HIPK2: variants seen among roughly 807,000 people sequenced by gnomAD.
The protein encoded by HIPK2 is homeodomain-interacting protein kinase 2.
Under a neutral mutation model 113.7 loss-of-function variants are expected in HIPK2, and 27 were observed. The ratio of observed to expected loss-of-function variants is 0.24; its 90% CI spans 0.17 to 0.33. The LOEUF (loss-of-function observed/expected upper bound fraction) is 0.33, where lower values mean the gene tolerates loss of function less well. HIPK2 is among the 10% of genes least tolerant of loss of function. The probability of loss-of-function intolerance (pLI) is 1.00; values close to 1 mark genes in which losing one functional copy is unlikely to be tolerated. For synonymous variants in HIPK2, 631 were observed against 642.2 expected (o/e 0.98, Z 0.26); for missense variants, 1,257 against 1,588.0 (o/e 0.79, Z 3.54).
intron 2 of HIPK2, among the ~76,000 whole-genome samples, chr7:139,676,768 A>G (rs1802508220): frequency 6.6e-6 from 1 of 152,210 alleles, no homozygotes; most frequent in Admixed American, 6.5e-5. Flanking sequence ...CTCGAAAAAC[A>G]TGTACTAAAC....
rs374022581 is a variant in HIPK2, at chr7:139,758,660, G to A, written c.19+18945C>T. Among the ~76,000 whole-genome samples the A allele has an allele frequency of 3.3e-5, 5 of 152,230 alleles. No individual in the cohort carries two copies. In the East Asian group the frequency reaches 9.7e-4, roughly 29 times the overall value. ...GAACCCTACTGTGAACTGCGCATGCGAGGGATCCAGATTGTGCGCTCATTA... is the reference window on the plus strand; with the variant it reads ...GAACCCTACTGTGAACTGCGCATGCAAGGGATCCAGATTGTGCGCTCATTA... On this transcript the variant is annotated intron_variant, in intron 1 of 14. Coordinates refer to ENST00000406875, the MANE Select transcript of HIPK2 (RefSeq NM_022740.5).
chr7:139,654,654 C>CT (rs1483430898), intron 2 of HIPK2, among the ~76,000 whole-genome samples: 3 of 152,146 alleles, frequency 2.0e-5, no homozygotes, highest in South Asian at 2.1e-4. Context: ...TGTGAAAACT[C>CT]TGAGTGCTGT....
intron 2 of HIPK2, among the ~76,000 whole-genome samples, chr7:139,643,312 T>C (rs573584989): frequency 6.6e-6 from 1 of 152,190 alleles, no homozygotes; most frequent in East Asian, 1.9e-4. Context: ...TGTATAATGT[T>C]AGAATCAGAT....
intron 2 of HIPK2, among the ~76,000 whole-genome samples, chr7:139,636,766 T>A (rs1188493650): frequency 6.6e-6 from 1 of 152,186 alleles, no homozygotes; most frequent in African/African-American, 2.4e-5. Context: ...TCAGCAGCCC[T>A]AGGAAACTGA....
At chr7:139,623,210 C>CA (rs1279142631) in intron 6 of HIPK2, among the ~76,000 whole-genome samples, 1 of 152,084 alleles carries the variant, frequency 6.6e-6, no homozygotes, top group Non-Finnish European at 1.5e-5. Context: ...CTATGGCACT[C>CA]AGAAACAGGA....
At chr7:139,605,142 A>G (rs1799576429) in intron 9 of HIPK2, among the ~76,000 whole-genome samples, 1 of 152,210 alleles carries the variant, frequency 6.6e-6, no homozygotes, top group South Asian at 2.1e-4. Flanking sequence ...TTCTCAAAGC[A>G]AAAATGAGAG....
intron 2 of HIPK2, among the ~76,000 whole-genome samples, chr7:139,709,543 C>T (rs1045817153): frequency 6.6e-6 from 1 of 152,192 alleles, no homozygotes; most frequent in Non-Finnish European, 1.5e-5. Context: ...TTCCCAGTTT[C>T]AGCTAATGAG....
At chr7:139,633,781 C>T (rs1395037367) in intron 2 of HIPK2, among the ~76,000 whole-genome samples, 1 of 152,010 alleles carries the variant, frequency 6.6e-6, no homozygotes, top group Non-Finnish European at 1.5e-5. Flanking sequence ...CCTGTCTCTA[C>T]TAAAAATACA....
At chr7:139,752,443 CA>C (rs1486285410) in intron 1 of HIPK2, among the ~76,000 whole-genome samples, 5 of 152,204 alleles carry the variant, frequency 3.3e-5, no homozygotes, top group Non-Finnish European at 7.3e-5. Flanking sequence ...TATCACTACT[CA>C]ACGTGTCTGC....
At chr7:139,765,968 A>G (rs1324334705) in intron 1 of HIPK2, among the ~76,000 whole-genome samples, 1 of 152,242 alleles carries the variant, frequency 6.6e-6, no homozygotes, top group African/African-American at 2.4e-5. Context: ...TGGTCTCTCA[A>G]GTTTTAAAAT....
At chr7:139,702,700 T>C (rs934739416) in intron 2 of HIPK2, among the ~76,000 whole-genome samples, 1 of 152,182 alleles carries the variant, frequency 6.6e-6, no homozygotes. Context: ...TAAATAATCA[T>C]GTCAGAAGCA....
At chr7:139,598,711 A>G (rs534138064) in intron 11 of HIPK2, among the ~76,000 whole-genome samples, 2 of 152,348 alleles carry the variant, frequency 1.3e-5, no homozygotes, top group African/African-American at 2.4e-5. Context: ...GGGACTTGCT[A>G]AACAGGTTGG....
chr7:139,716,070 T>C lies in HIPK2; in HGVS notation c.965A>G (p.His322Arg). ...LMKLKSLGLI[H>R]ADLKPENIML... Reference sequence around the variant, plus strand: ...GATGTTTTCTGGTTTGAGGTCAGCGTGGATAAGACCTAGGCTTTTGAGTTT... The same window carrying C: ...GATGTTTTCTGGTTTGAGGTCAGCGCGGATAAGACCTAGGCTTTTGAGTTT... The change falls in exon 2 of 15, where the codon CAC (histidine) becomes CGC (arginine). Residue 322 changes from histidine (H) to arginine (R), a missense_variant. Coordinates refer to ENST00000406875, the MANE Select transcript of HIPK2 (RefSeq NM_022740.5). This position sits in a 1 kb window ranked among gnomAD's most constrained non-coding sequence, Gnocchi z 9.3. 6.2e-7 allele frequency: 1 copy of C among 1,614,124 alleles called. No individual in the cohort carries two copies. The highest frequency in any genetic ancestry group is 8.5e-7 in the Non-Finnish European group (1 of 1,179,976).
chr7:139,601,752 T>C (rs1206242894), intron 10 of HIPK2, among the ~76,000 whole-genome samples: 3 of 152,146 alleles, frequency 2.0e-5, no homozygotes, highest in Non-Finnish European at 4.4e-5. Context: ...GATTGGCCCA[T>C]AAGAGCTCAT....
rs1186754507 is a variant in HIPK2, at chr7:139,573,194, G to C, written c.3330C>G (p.Ala1110=). The change falls in exon 15 of 15, where the codon GCC becomes GCG. Residue 1110 remains alanine, a synonymous_variant. Transcript: ENST00000406875. ...GGGCCACGGTGCCGGTGGAGCCCAGGGCCGCCGGCGCAGTGTAGGTGTAGA... is the reference window on the plus strand; with the variant it reads ...GGGCCACGGTGCCGGTGGAGCCCAGCGCCGCCGGCGCAGTGTAGGTGTAGA... ...PHLYTYTAPA[A]LGSTGTVAHL... is the part of the protein sequence containing the mutation. The C allele has an allele frequency of 1.9e-6, 3 of 1,607,306 alleles. No individual in the cohort carries two copies. Among genetic ancestry groups the C allele is most frequent in the East Asian group, 2.2e-5 (1 of 44,810 alleles).
chr7:139,691,252 G>T (rs919822539), intron 2 of HIPK2, among the ~76,000 whole-genome samples: 2 of 152,158 alleles, frequency 1.3e-5, no homozygotes, highest in Non-Finnish European at 2.9e-5. Flanking sequence ...AGTTTCGATT[G>T]TGCAAACATC....
In HIPK2 at chr7:139,594,058, G is replaced by C. The variant is rs1799116056; in HGVS notation, c.2717+2659C>G. Reference sequence around the variant, plus strand: ...CCTTTTGGATAAGCTCCTGCACAGGGGTCTTGATCCTGTTCGCTTGCCTTG... The same window carrying C: ...CCTTTTGGATAAGCTCCTGCACAGGCGTCTTGATCCTGTTCGCTTGCCTTG... On this transcript the variant is annotated intron_variant, in intron 12 of 14. Transcript: ENST00000406875. Among the ~76,000 whole-genome samples the C allele has an allele frequency of 2.0e-5, 3 of 151,954 alleles. 1 individual carries two copies. In the South Asian group the frequency reaches 6.2e-4, roughly 32 times the overall value.
intron 2 of HIPK2, among the ~76,000 whole-genome samples, chr7:139,640,196 A>G (rs1387601545): frequency 3.3e-5 from 5 of 152,226 alleles, no homozygotes; most frequent in African/African-American, 9.7e-5. Context: ...TCTTTCCAAC[A>G]TTCTCATAGG....
At chr7:139,583,696 C>T in intron 13 of HIPK2, 121 bp downstream of exon 13, 1 of 1,427,088 alleles carries the variant, frequency 7.0e-7, no homozygotes, top group South Asian at 1.4e-5. Context: ...GTAAGGGTCG[C>T]CTGCAGTCAC....
Sources: gnomAD v4.1 joint callset for allele counts (sites outside exome capture counted in the v4.1 genomes callset) on GRCh38, gnomAD v4.1.1 for gene constraint, Gnocchi (gnomAD v3.1) non-coding constraint, MANE v1.5 for transcripts, NCBI Gene and HGNC (gene_info 2026-07-23, HGNC 2026-07-21) for gene names.